Variants in CLASP2 observed in about 807,000 individuals in gnomAD.
CLASP2 encodes the protein cytoplasmic linker associated protein 2.
CLASP2 carries 47 observed loss-of-function variants against 194.4 expected under a neutral mutation model. The observed-to-expected ratio is 0.24, with a 90% CI of 0.19 to 0.31. The LOEUF is 0.31. Among genes scored for constraint, CLASP2 ranks in the 10% least tolerant of loss-of-function variants. The pLI is 1.00. For missense variants in CLASP2, 1,445 were observed against 1,823.6 expected (o/e 0.79, Z 3.78); for synonymous variants, 619 against 633.5 (o/e 0.98, Z 0.34).
intron 3 of CLASP2, among the ~76,000 whole-genome samples, chr3:33,688,710 A>G (rs1456623982): frequency 6.6e-6 from 1 of 152,228 alleles, no homozygotes; most frequent in Non-Finnish European, 1.5e-5. Flanking sequence ...CTGCCATTAT[A>G]AGTCCAGCAG....
At chr3:33,596,670 C>A (rs1409754564) in intron 19 of CLASP2, 41 bp downstream of exon 19, 1 of 1,417,328 alleles carries the variant, frequency 7.1e-7, no homozygotes, top group Non-Finnish European at 9.8e-7. Flanking sequence ...AATCCAGGTT[C>A]CATAAAAATC....
At chr3:33,581,015 C>CAAAAAAAAAAAAAAAAA (rs34304858) in intron 23 of CLASP2, among the ~76,000 whole-genome samples, 1 of 57,756 alleles carries the variant, frequency 1.7e-5, no homozygotes, top group Non-Finnish European at 3.3e-5. Flanking sequence ...GACTCCGTCT[C>CAAAAAAAAAAAAAAAAA]AAAAAAAAAA....
intron 34 of CLASP2, among the ~76,000 whole-genome samples, chr3:33,525,493 C>T (rs764116088): frequency 1.3e-5 from 2 of 152,020 alleles, no homozygotes; most frequent in Non-Finnish European, 2.9e-5. Flanking sequence ...GACAGCAGCC[C>T]ACTAGAGAGC....
At chr3:33,627,328 T>C (rs2078233764) in intron 9 of CLASP2, 1 of 428,238 alleles carries the variant, frequency 2.3e-6, no homozygotes, top group Non-Finnish European at 4.2e-6. Flanking sequence ...CAAAATGCTT[T>C]GTAATTTTAA....
chr3:33,637,166 A>T (rs923189756), intron 8 of CLASP2, among the ~76,000 whole-genome samples: 1 of 152,224 alleles, frequency 6.6e-6, no homozygotes, highest in Non-Finnish European at 1.5e-5. Flanking sequence ...AATCTTAAAA[A>T]ACAACTGGCC....
At chr3:33,600,311 T>C (rs967045519) in intron 18 of CLASP2, among the ~76,000 whole-genome samples, 1 of 152,154 alleles carries the variant, frequency 6.6e-6, no homozygotes, top group Non-Finnish European at 1.5e-5. Flanking sequence ...GGGAAAAATA[T>C]CCAGTTTTTT....
intron 29 of CLASP2, 29 bp downstream of exon 29, chr3:33,559,278 A>T: frequency 7.9e-7 from 1 of 1,271,118 alleles, no homozygotes; most frequent in Non-Finnish European, 1.1e-6. Flanking sequence ...AATTCTTTAT[A>T]ATGTCTTCAA....
At chr3:33,679,532 T>C (rs747437012) in intron 6 of CLASP2, among the ~76,000 whole-genome samples, 2 of 151,948 alleles carry the variant, frequency 1.3e-5, no homozygotes, top group Non-Finnish European at 1.5e-5. Context: ...CTCTTAAAAC[T>C]CAACAATAAG....
chr3:33,520,701 G>A (rs777044512), intron 34 of CLASP2, among the ~76,000 whole-genome samples: 12 of 152,112 alleles, frequency 7.9e-5, no homozygotes, highest in Non-Finnish European at 1.3e-4. Flanking sequence ...ACGAAAGCTA[G>A]GTTTCTGTCA....
chr3:33,700,351 T>C (rs993942837), intron 1 of CLASP2, among the ~76,000 whole-genome samples: 3 of 151,774 alleles, frequency 2.0e-5, no homozygotes, highest in Admixed American at 2.0e-4. Flanking sequence ...CATCTGAACT[T>C]GGAAGGCAGA....
In CLASP2 at chr3:33,718,244, A is replaced by T. The variant is rs1169541728; in HGVS notation, c.-242T>A. On this transcript the variant is annotated 5_prime_UTR_variant, in exon 1 of 39. Coordinates refer to ENST00000682230, the MANE Select transcript of CLASP2 (RefSeq NM_001365631.1). Reference sequence around the variant, plus strand: ...AGAGGCCGCGGCCGCGGGCGACGTCAGCACGCGCGTGACGTCAGCACGACG... The same window carrying T: ...AGAGGCCGCGGCCGCGGGCGACGTCTGCACGCGCGTGACGTCAGCACGACG... The T allele has an allele frequency of 5.0e-6, 1 of 199,412 alleles. No individual in the cohort carries two copies. Among genetic ancestry groups the T allele is most frequent in the South Asian group, 1.0e-4 (1 of 9,684 alleles). The allele number at this position is 199,412 out of a possible 1,614,324, so 12.4% of individuals were successfully genotyped here.
intron 29 of CLASP2, among the ~76,000 whole-genome samples, chr3:33,556,436 TTTC>T (rs2060930227): frequency 6.7e-6 from 1 of 149,996 alleles, no homozygotes; most frequent in Non-Finnish European, 1.5e-5. Flanking sequence ...ATTTTCTTTC[TTTC>T]TTTTTTTTTT....
intron 29 of CLASP2, among the ~76,000 whole-genome samples, chr3:33,555,734 T>G (rs1456081848): frequency 6.6e-6 from 1 of 152,162 alleles, no homozygotes; most frequent in Non-Finnish European, 1.5e-5. Context: ...GTGACTATGT[T>G]AAATCAAAAA....
intron 29 of CLASP2, among the ~76,000 whole-genome samples, 170 bp from the exon 30 acceptor site, chr3:33,551,565 C>T (rs897813450): frequency 6.6e-6 from 1 of 152,116 alleles, no homozygotes; most frequent in Non-Finnish European, 1.5e-5. Flanking sequence ...GCAATCCTCC[C>T]ACCTCGGCCT....
At chr3:33,501,333 G>C (rs548160978) in intron 38 of CLASP2, among the ~76,000 whole-genome samples, 66 of 152,198 alleles carry the variant, frequency 4.3e-4, no homozygotes, top group African/African-American at 1.6e-3. Context: ...TAATAAAACA[G>C]TGGTCAGGGG....
chr3:33,633,291 G>C (rs939683787), intron 8 of CLASP2, among the ~76,000 whole-genome samples: 8 of 152,160 alleles, frequency 5.3e-5, no homozygotes, highest in Admixed American at 6.5e-5. Flanking sequence ...CTTTGACAAT[G>C]TGACTCTGCA....
intron 24 of CLASP2, chr3:33,574,510 A>G: frequency 6.7e-7 from 1 of 1,492,902 alleles, no homozygotes; most frequent in Non-Finnish European, 9.0e-7. Context: ...AGAGCAGTAA[A>G]TTTTTAAAGA....
At chr3:33,541,286 A>C (rs966900816) in intron 32 of CLASP2, among the ~76,000 whole-genome samples, 4 of 152,072 alleles carry the variant, frequency 2.6e-5, no homozygotes, top group African/African-American at 9.7e-5. Context: ...TGTGGTATCT[A>C]TACACCACGG....
intron 29 of CLASP2, among the ~76,000 whole-genome samples, chr3:33,553,042 T>C (rs1032725946): frequency 6.6e-6 from 1 of 152,238 alleles, no homozygotes; most frequent in African/African-American, 2.4e-5. Flanking sequence ...GGTTTAAATG[T>C]ATGATTGAAA....
Sources: gnomAD v4.1 joint callset for allele counts (sites outside exome capture counted in the v4.1 genomes callset) on GRCh38, gnomAD v4.1.1 for gene constraint, MANE v1.5 for transcripts, NCBI Gene and HGNC (gene_info 2026-07-23, HGNC 2026-07-21) for gene names.